Variants in ZNF585B observed in about 807,000 individuals in gnomAD.
ZNF585B encodes zinc finger protein 585B, also known as zinc finger protein 41-like protein.
Under a neutral mutation model 14.0 loss-of-function variants are expected in ZNF585B, and 7 were observed. That is an observed-to-expected ratio of 0.50 (90% CI 0.28 to 0.94). ZNF585B has a LOEUF of 0.94. ZNF585B is among the 40% of genes least tolerant of loss of function. The probability of loss-of-function intolerance (pLI) is 0.09; values close to 1 mark genes in which losing one functional copy is unlikely to be tolerated. For synonymous variants in ZNF585B, 290 were observed against 317.3 expected (o/e 0.91, Z 0.91); for missense variants, 750 against 924.4 (o/e 0.81, Z 2.45).
Position 37,189,773 on chromosome 19 carries a change from A to G in ZNF585B, c.200-20T>C. On this transcript the variant is annotated intron_variant, in intron 3 of 4. Transcript: ENST00000532828. The stretch of plus-strand genomic sequence containing the variant: ...GATACCCTGTTCATGGGAAATGATA[A>G]AGGTCTGGGTCCAGCTAATTACGTT... 1 of 1,614,028 alleles carries G rather than the reference A, an allele frequency of 6.2e-7. No homozygotes were observed. The highest frequency in any genetic ancestry group is 8.5e-7 in the Non-Finnish European group (1 of 1,179,896).
chr19:37,203,075 G>T lies in ZNF585B; in HGVS notation c.72+3965C>A, dbSNP rs73624842. Among the ~76,000 whole-genome samples, 1,366 of 152,130 alleles carry T rather than the reference G, an allele frequency of 9.0e-3. 20 individuals are homozygous for T. Among genetic ancestry groups the T allele is most frequent in the African/African-American group, 0.032 (1,309 of 41,498 alleles). On this transcript the variant is annotated intron_variant, in intron 2 of 4. Transcript: ENST00000532828. ...CTCTTTTTTCTTGATCATTAATATG[G>T]AGAAGCAACTTGTGTTTCTGTCACA...
In ZNF585B at chr19:37,186,472, T is replaced by C. The variant is rs146155286; in HGVS notation, c.1065A>G (p.Ile355Met). Residue 355 changes from isoleucine (I) to methionine (M), a missense_variant, in exon 5 of 5, where the codon ATA (isoleucine) becomes ATG (methionine). Physicochemically the swap from Ile to Met is conservative, Grantham distance 10. This residue lies in a region of ZNF585B where 517 missense variants were observed against 570.3 expected (regional missense o/e 0.91). Transcript: ENST00000532828. ...EKIQSREKSS[I>M]CTECGKAFTY... ...TAAAGGCCTTCCCACACTCAGTACA[T>C]ATGGAAGATTTCTCTCTACTTTGAA... is the stretch of plus-strand genomic sequence containing the variant. 3.4e-5 allele frequency: 55 copies of C among 1,614,068 alleles called. No individual in the cohort carries two copies. Among genetic ancestry groups the C allele is most frequent in the Non-Finnish European group, 4.6e-5 (54 of 1,180,034 alleles).
At position 37,187,170 on chromosome 19, in the gene ZNF585B, T is replaced by A. The variant is rs1018989031; in HGVS notation, c.367A>T (p.Ile123Phe). 1 of 1,613,406 alleles carries A rather than the reference T, an allele frequency of 6.2e-7. No homozygotes were observed. The highest frequency in any genetic ancestry group is 8.5e-7 in the Non-Finnish European group (1 of 1,179,850). ...TCATAGGATTTTTCCCCAGAATAAA[T>A]TTTTTGATCTTGAGAGGAAGCTGGT... ...YKPASSQDQKIYSGEKSYECA... is the reference protein window; with the variant it reads ...YKPASSQDQKFYSGEKSYECA... Residue 123 changes from isoleucine to phenylalanine, a missense_variant, in exon 5 of 5, where the codon ATT (isoleucine) becomes TTT (phenylalanine). By Grantham distance (21) the Ile-to-Phe change is conservative. Around this residue, in one of 2 missense-constraint regions of ZNF585B, gnomAD observed 517 missense variants for 570.3 expected, o/e 0.91. Transcript: ENST00000532828.
Position 37,189,439 on chromosome 19 carries a change from C to T in ZNF585B, c.292+222G>A, listed in dbSNP as rs1031403999. 1.9e-5 allele frequency: 10 copies of T among 538,850 alleles called. No individual in the cohort carries two copies. In the African/African-American group the frequency reaches 1.9e-4, roughly 10 times the overall value. 33.4% of individuals were successfully genotyped at this position (538,850 alleles called of 1,614,324 possible). ...GAAAAGGAATATAATAAAGATTTATCTTTAATGAGGCTGACTGGCACATGA... is the reference window on the plus strand; with the variant it reads ...GAAAAGGAATATAATAAAGATTTATTTTTAATGAGGCTGACTGGCACATGA... On this transcript the variant is annotated intron_variant, in intron 4 of 4. Coordinates refer to ENST00000532828, the MANE Select transcript of ZNF585B (RefSeq NM_152279.4).
rs533304761 is a variant in ZNF585B at position 37,184,816 on chromosome 19, A to C, written c.*411T>G. 2 of 407,910 alleles carry C rather than the reference A, an allele frequency of 4.9e-6. No individual in the cohort carries two copies. The highest frequency in any genetic ancestry group is 7.0e-5 in the East Asian group (2 of 28,526). 25.3% of individuals were successfully genotyped at this position (407,910 alleles called of 1,614,324 possible). A position where few individuals can be genotyped will look rare whatever the true frequency, so the allele number is the denominator to read the frequency against. ...TGTTCTGGAACAAACAACTCACAGA[A>C]GGATTCATCACTATCATATATATTA... On this transcript the variant is annotated 3_prime_UTR_variant, in exon 5 of 5. Coordinates refer to ENST00000532828, the MANE Select transcript of ZNF585B (RefSeq NM_152279.4).
intron 2 of ZNF585B, among the ~76,000 whole-genome samples, chr19:37,192,033 A>G (rs112346376): frequency 0.01 from 1,542 of 152,134 alleles, 26 homozygotes; most frequent in African/African-American, 0.035. Flanking sequence ...CCATCTCAAA[A>G]AAAGAAAGAA....
intron 2 of ZNF585B, among the ~76,000 whole-genome samples, chr19:37,202,157 G>A (rs1326481455): frequency 6.6e-6 from 1 of 151,886 alleles, no homozygotes; most frequent in Admixed American, 6.6e-5. Context: ...TGGGATTACA[G>A]GCGCCCGCCT....
intron 2 of ZNF585B, among the ~76,000 whole-genome samples, chr19:37,200,280 G>A (rs1365903291): frequency 1.3e-5 from 2 of 150,712 alleles, no homozygotes; most frequent in South Asian, 2.1e-4. Context: ...GGCCAGGCAC[G>A]GTGGCTCACG....
At chr19:37,188,937 T>C (rs1438558726) in intron 4 of ZNF585B, among the ~76,000 whole-genome samples, 1 of 145,906 alleles carries the variant, frequency 6.9e-6, no homozygotes, top group East Asian at 2.0e-4. Flanking sequence ...ATAAAGTTCT[T>C]TTTTTTTTTT....
intron 1 of ZNF585B, among the ~76,000 whole-genome samples, chr19:37,208,743 A>G (rs1972613720): frequency 6.6e-6 from 1 of 152,152 alleles, no homozygotes; most frequent in Non-Finnish European, 1.5e-5. Flanking sequence ...AAAAGCTTTA[A>G]AAAAGTAACA....
chr19:37,209,577 C>T (rs1972624047), intron 1 of ZNF585B, among the ~76,000 whole-genome samples: 1 of 151,928 alleles, frequency 6.6e-6, no homozygotes, highest in African/African-American at 2.4e-5. Context: ...GATTAATATC[C>T]ATAACAATAC....
intron 1 of ZNF585B, among the ~76,000 whole-genome samples, chr19:37,208,937 A>C (rs1174331938): frequency 1.3e-5 from 2 of 151,992 alleles, no homozygotes; most frequent in African/African-American, 4.8e-5. Context: ...GGTTGCAATG[A>C]GCGGAGATCA....
chr19:37,182,054 TTGA>T lies in ZNF585B; in HGVS notation c.*3170_*3172del, dbSNP rs1443402935. Reference sequence around the variant, plus strand: ...AAATGTACCACTCTGAAGGGGGATGTTGATGATGGGGGAGGCTGTGTATATGTG... The same window carrying T: ...AAATGTACCACTCTGAAGGGGGATGTTGATGGGGGAGGCTGTGTATATGTG... On this transcript the variant is annotated 3_prime_UTR_variant, in exon 5 of 5. Transcript: ENST00000532828. 1 of 152,084 alleles carries T rather than the reference TTGA, an allele frequency of 6.6e-6. No individual in the cohort carries two copies. Among genetic ancestry groups the T allele is most frequent in the Non-Finnish European group, 1.5e-5 (1 of 68,008 alleles). 9.4% of individuals were successfully genotyped at this position (152,084 alleles called of 1,614,324 possible).
At chr19:37,204,119 TA>T (rs950121186) in intron 2 of ZNF585B, among the ~76,000 whole-genome samples, 114 of 152,316 alleles carry the variant, frequency 7.5e-4, no homozygotes, top group Admixed American at 1.8e-3. Flanking sequence ...CATTATTAAT[TA>T]AAAAAATGCT....
At chr19:37,201,041 A>G (rs1003542366) in intron 2 of ZNF585B, among the ~76,000 whole-genome samples, 1 of 151,470 alleles carries the variant, frequency 6.6e-6, no homozygotes, top group Non-Finnish European at 1.5e-5. Flanking sequence ...CCATAAGGCA[A>G]GATCATGCCA....
chr19:37,203,991 C>A (rs991760608), intron 2 of ZNF585B, among the ~76,000 whole-genome samples: 6 of 152,164 alleles, frequency 3.9e-5, no homozygotes, highest in African/African-American at 1.4e-4. Context: ...AATATTATAG[C>A]AAAGATTTAT....
rs1362000162 is a variant in ZNF585B, at chr19:37,185,216, C to T, written c.*11G>A. On this transcript the variant is annotated 3_prime_UTR_variant, in exon 5 of 5. Coordinates refer to ENST00000532828, the MANE Select transcript of ZNF585B (RefSeq NM_152279.4). ...CCCAACCCTCAGGGGGGTTTTCTCA[C>T]ACTGTTTCTCTCAAGCGTGGCTGCT... 1.2e-6 allele frequency: 2 copies of T among 1,600,124 alleles called. No homozygotes were observed. Among genetic ancestry groups the T allele is most frequent in the South Asian group, 2.3e-5 (2 of 88,708 alleles).
At position 37,184,416 on chromosome 19, in the gene ZNF585B, G is replaced by GAAAGAAAGAAAGAAAGAA. The variant is rs60442183; in HGVS notation, c.*810_*811insTTCTTTCTTTCTTTCTTT. 3 of 67,986 alleles carry GAAAGAAAGAAAGAAAGAA rather than the reference G, an allele frequency of 4.4e-5. No homozygotes were observed. Among genetic ancestry groups the GAAAGAAAGAAAGAAAGAA allele is most frequent in the South Asian group, 6.3e-4 (1 of 1,598 alleles). The allele number at this position is 67,986 out of a possible 1,614,324, so 4.2% of individuals were successfully genotyped here. On this transcript the variant is annotated 3_prime_UTR_variant, in exon 5 of 5. Coordinates refer to ENST00000532828, the MANE Select transcript of ZNF585B (RefSeq NM_152279.4). ...AGAAAGAAAGAAAGAAAGAAAGAAA[G>GAAAGAAAGAAAGAAAGAA]AGAAAGAAAGAAAAAGAAAGAAAGA...
chr19:37,198,274 C>T (rs533894303), intron 2 of ZNF585B, among the ~76,000 whole-genome samples: 48 of 152,148 alleles, frequency 3.2e-4, no homozygotes, highest in African/African-American at 1.1e-3. Flanking sequence ...CGTGTTCAAG[C>T]GATTCTCCTG....
Sources: gnomAD v4.1 joint callset for allele counts (sites outside exome capture counted in the v4.1 genomes callset) on GRCh38, gnomAD v4.1.1 for gene constraint, gnomAD v4.1.1 regional missense constraint, MANE v1.5 for transcripts, NCBI Gene and HGNC (gene_info 2026-07-23, HGNC 2026-07-21) for gene names.